Variants in FASTK observed in about 807,000 individuals in gnomAD.
FASTK encodes fas-activated serine/threonine kinase.
Under a neutral mutation model 60.0 loss-of-function variants are expected in FASTK, and 28 were observed. The observed-to-expected ratio is 0.47, with a 90% CI of 0.35 to 0.64. The LOEUF is 0.64. FASTK is among the 30% of genes least tolerant of loss of function. FASTK has a pLI of 0.01. For missense variants in FASTK, 595 were observed against 713.8 expected, an observed-to-expected ratio of 0.83 and a Z score of 1.90; for synonymous variants, 325 against 307.9, an observed-to-expected ratio of 1.06 and a Z score of -0.58.
At chr7:151,079,983 C>G in intron 1 of FASTK, 61 bp from the exon 2 acceptor site, 1 of 1,396,046 alleles carries the variant, frequency 7.2e-7, no homozygotes, top group Non-Finnish European at 9.7e-7. Flanking sequence ...GACCTGCTAC[C>G]TACTGCTTAC....
chr7:151,077,017 C>A lies in FASTK; in HGVS notation c.1438G>T (p.Val480Leu). Reference protein sequence around the residue: ...TRDPAQRVVLVLRERWHFCRD... With the variant: ...TRDPAQRVVLLLRERWHFCRD... ...CAGAAATGCCAGCGTTCCCGCAACA[C>A]CAGCACCACCCTGCAGGGGGAGGGA... The change falls in exon 9 of 10, where the codon GTG (valine) becomes TTG (leucine). Residue 480 changes from valine to leucine, a missense_variant. Val to Leu is a conservative substitution (Grantham distance 32). Transcript: ENST00000297532. The A allele has an allele frequency of 6.2e-7, 1 of 1,612,732 alleles. No individual in the cohort carries two copies. Among genetic ancestry groups the A allele is most frequent in the Non-Finnish European group, 8.5e-7 (1 of 1,179,788 alleles).
At chr7:151,078,263 TA>T (rs1312023935) in intron 4 of FASTK, among the ~76,000 whole-genome samples, 171 bp from the exon 5 acceptor site, 1 of 152,158 alleles carries the variant, frequency 6.6e-6, no homozygotes, top group Non-Finnish European at 1.5e-5. Flanking sequence ...TGCACGTGAC[TA>T]ATCACCAGAC....
In FASTK at chr7:151,076,836, T is replaced by C; in HGVS notation, c.1543-4A>G. 1 of 1,608,022 alleles carries C rather than the reference T, an allele frequency of 6.2e-7. No homozygotes were observed. Among genetic ancestry groups the C allele is most frequent in the Non-Finnish European group, 8.5e-7 (1 of 1,177,122 alleles). ...ACTCCAGTTCCTCGAAGGGTAGCTG[T>C]GGGGAGAGGAGAGGGCGGCAGGTTA... is the stretch of plus-strand genomic sequence containing the variant. On this transcript the variant is annotated splice_polypyrimidine_tract_variant and splice_region_variant and intron_variant, in intron 9 of 9. Transcript: ENST00000297532.
At position 151,079,909 on chromosome 7, in the gene FASTK, G is replaced by T. The variant is rs749164613; in HGVS notation, c.96C>A (p.Pro32=). 103 of 1,588,566 alleles carry T rather than the reference G, an allele frequency of 6.5e-5. No individual in the cohort carries two copies. The highest frequency in any genetic ancestry group is 8.7e-5 in the Non-Finnish European group (101 of 1,163,264). Residue 32 remains proline (P), a synonymous_variant, in exon 2 of 10, where the codon CCC becomes CCA. Transcript: ENST00000297532. The part of the protein sequence containing the change: ...AGPGESWSPS[P]NSMLRVLLSA... ...AGAGCAGGACTCGAAGCATGGAGTT[G>T]GGTGATGGAGACCCTGAGGGGCAGC...
intron 2 of FASTK, 21 bp from the exon 3 acceptor site, chr7:151,079,042 G>C: frequency 1.4e-6 from 2 of 1,440,530 alleles, no homozygotes. Context: ...GAGGTAAAAG[G>C]CAGCCTGGTA....
chr7:151,079,103 C>T (rs1797837465), intron 2 of FASTK, 82 bp from the exon 3 acceptor site: 4 of 1,241,884 alleles, frequency 3.2e-6, no homozygotes, highest in Non-Finnish European at 4.3e-6. Flanking sequence ...GAATTCTCCA[C>T]CTTTCTCCTC....
Position 151,076,947 on chromosome 7 carries a change from C to T in FASTK, c.1508G>A (p.Arg503Gln). The change falls in exon 9 of 10, where the codon CGG (arginine) becomes CAG (glutamine). Residue 503 changes from arginine (R) to glutamine (Q), a missense_variant. This residue lies in a region of FASTK where 471 missense variants were observed against 605.9 expected (regional missense o/e 0.78). Coordinates refer to ENST00000297532, the MANE Select transcript of FASTK (RefSeq NM_006712.5). ...VLLGSRALRE[R>Q]HLGLMGYQLL... ...CTGGTAGCCCATCAGGCCTAGGTGC[C>T]GCTCCCTCAGGGCCCTCGAGCCCAG... is the stretch of plus-strand genomic sequence containing the variant. The T allele has an allele frequency of 6.2e-7, 1 of 1,611,518 alleles. No individual in the cohort carries two copies. The highest frequency in any genetic ancestry group is 8.5e-7 in the Non-Finnish European group (1 of 1,179,280).
intron 3 of FASTK, 53 bp downstream of exon 3, chr7:151,078,789 C>A: frequency 1.2e-6 from 2 of 1,608,934 alleles, no homozygotes; most frequent in Non-Finnish European, 1.7e-6. Flanking sequence ...AGCCCACCTT[C>A]CTCCTCCTGT....
Position 151,076,973 on chromosome 7 carries a change from C to G in FASTK, c.1482G>C (p.Leu494=). The stretch of plus-strand genomic sequence containing the variant: ...GCTCCCTCAGGGCCCTCGAGCCCAG[C>G]AGCACCCGGCCGTCCCGGCAGAAAT... The part of the protein sequence containing the change: ...RWHFCRDGRV[L]LGSRALRERH... Residue 494 remains leucine (L), a synonymous_variant, in exon 9 of 10, where the codon CTG becomes CTC. Coordinates refer to ENST00000297532, the MANE Select transcript of FASTK (RefSeq NM_006712.5). The G allele has an allele frequency of 6.2e-7, 1 of 1,612,396 alleles. No homozygotes were observed. Among genetic ancestry groups the G allele is most frequent in the Non-Finnish European group, 8.5e-7 (1 of 1,179,790 alleles).
intron 2 of FASTK, 121 bp from the exon 3 acceptor site, chr7:151,079,142 A>T (rs1399983890): frequency 1.1e-6 from 1 of 909,370 alleles, no homozygotes; most frequent in Admixed American, 3.6e-5. Flanking sequence ...AAGGTGTGCT[A>T]GAGTTTAAGT....
chr7:151,080,679 C>A lies in FASTK; in HGVS notation c.82+6G>T, dbSNP rs1797940720. Reference sequence around the variant, plus strand: ...CCGCAGCCCTCCCCGCAGGCGCCACCCCTACATGACTCCCCGGGCCCTGCG... The same window carrying A: ...CCGCAGCCCTCCCCGCAGGCGCCACACCTACATGACTCCCCGGGCCCTGCG... On this transcript the variant is annotated splice_donor_region_variant and intron_variant, in intron 1 of 9. Transcript: ENST00000297532. 2.2e-5 allele frequency: 31 copies of A among 1,437,162 alleles called. No individual in the cohort carries two copies. The highest frequency in any genetic ancestry group is 2.7e-5 in the Non-Finnish European group (30 of 1,100,780). 89.0% of individuals were successfully genotyped at this position (1,437,162 alleles called of 1,614,324 possible).
At chr7:151,077,454 T>A (rs1053925792) in intron 6 of FASTK, 53 bp from the exon 7 acceptor site, 7 of 1,579,526 alleles carry the variant, frequency 4.4e-6, no homozygotes, top group Non-Finnish European at 6.1e-6. Context: ...CATCCTAATC[T>A]GTCCCAGTCT....
Position 151,077,874 on chromosome 7 carries a change from C to T in FASTK, c.1039+5G>A, listed in dbSNP as rs759558289. ...GGGGCCCAGCCAGCCATCCTGGCTG[C>T]GTACCACTGATGTAGTTGATGAAGC... On this transcript the variant is annotated splice_donor_5th_base_variant and intron_variant, in intron 5 of 9. Transcript: ENST00000297532. The T allele has an allele frequency of 3.1e-6, 5 of 1,611,348 alleles. No individual in the cohort carries two copies. The highest frequency in any genetic ancestry group is 4.5e-5 in the East Asian group (2 of 44,808).
rs145223870 is a variant in FASTK at position 151,077,663 on chromosome 7, A to C, written c.1157T>G (p.Phe386Cys). 15 of 1,572,510 alleles carry C rather than the reference A, an allele frequency of 9.5e-6. No individual in the cohort carries two copies. The African/African-American group carries it at 1.8e-4, about 19-fold the overall frequency. The part of the protein sequence containing the change: ...RLPRRQQVPI[F>C]PQPLITDRAR... Reference sequence around the variant, plus strand: ...ACGGTCGGTGATGAGAGGCTGGGGAAAGATGGGCACTTGCTGCCTTCGGGG... The same window carrying C: ...ACGGTCGGTGATGAGAGGCTGGGGACAGATGGGCACTTGCTGCCTTCGGGG... Residue 386 changes from phenylalanine to cysteine, a missense_variant, in exon 6 of 10, where the codon TTT becomes TGT. Physicochemically the swap from Phe to Cys is radical, Grantham distance 205 (BLOSUM62 -2). Around this residue, in one of 2 missense-constraint regions of FASTK, gnomAD observed 471 missense variants for 605.9 expected, o/e 0.78. Coordinates refer to ENST00000297532, the MANE Select transcript of FASTK (RefSeq NM_006712.5).
rs1170895713 is a variant in FASTK, at chr7:151,077,226, C to T, written c.1302G>A (p.Leu434=). The T allele has an allele frequency of 2.5e-6, 4 of 1,612,572 alleles. No individual in the cohort carries two copies. Among genetic ancestry groups the T allele is most frequent in the Non-Finnish European group, 3.4e-6 (4 of 1,179,444 alleles). ...GCACAGCACCAGAGCTGCTGGCGCA[C>T]AGCAGGAAGTCTGGAGGGGAGCAGG... is the stretch of plus-strand genomic sequence containing the variant. The part of the protein sequence containing the change: ...VPPGYCTDFL[L]CASSSGAVLP... Residue 434 remains leucine, a synonymous_variant, in exon 8 of 10, where the codon CTG becomes CTA. Coordinates refer to ENST00000297532, the MANE Select transcript of FASTK (RefSeq NM_006712.5).
intron 1 of FASTK, chr7:151,080,420 T>G: frequency 8.5e-7 from 1 of 1,175,866 alleles, no homozygotes; most frequent in Non-Finnish European, 1.1e-6. Context: ...GGTTCCATGC[T>G]GGGCGCTCCC....
At chr7:151,078,266 T>C (rs1299262154) in intron 4 of FASTK, among the ~76,000 whole-genome samples, 174 bp from the exon 5 acceptor site, 1 of 152,136 alleles carries the variant, frequency 6.6e-6, no homozygotes, top group Non-Finnish European at 1.5e-5. Flanking sequence ...ACGTGACTAA[T>C]CACCAGACAG....
intron 4 of FASTK, 81 bp downstream of exon 4, chr7:151,078,480 TA>T: frequency 6.7e-7 from 1 of 1,481,622 alleles, no homozygotes; most frequent in South Asian, 1.2e-5. Flanking sequence ...AGGAAAAGGA[TA>T]GCCGAGCTGC....
At chr7:151,080,129 A>C in intron 1 of FASTK, 1 of 570,906 alleles carries the variant, frequency 1.8e-6, no homozygotes, top group East Asian at 2.9e-5. Context: ...TCAGCGCAGC[A>C]CTACTTGCAA....
Sources: allele counts gnomAD v4.1 joint callset (sites outside exome capture counted in the v4.1 genomes callset), GRCh38; gene constraint gnomAD v4.1.1; regional missense constraint gnomAD v4.1.1; transcripts MANE v1.5; gene names NCBI Gene and HGNC (gene_info 2026-07-23, HGNC 2026-07-21).